PREX2: variants seen among roughly 807,000 people sequenced by gnomAD.
The protein encoded by PREX2 is phosphatidylinositol 3,4,5-trisphosphate-dependent Rac exchanger 2 protein.
A neutral mutation model predicts 203.2 loss-of-function variants in PREX2; 107 were observed. The ratio of observed to expected loss-of-function variants is 0.53; its 90% CI spans 0.45 to 0.62. The LOEUF (loss-of-function observed/expected upper bound fraction) is 0.62. Ranked by LOEUF, PREX2 falls within the 20% of genes least tolerant of loss-of-function variation. The probability of loss-of-function intolerance (pLI) is 0.00; values close to 1 mark genes in which losing one functional copy is unlikely to be tolerated. For missense variants in PREX2, 1,777 were observed against 1,955.9 expected, an observed-to-expected ratio of 0.91 and a Z score of 1.72; for synonymous variants, 672 against 663.6, an observed-to-expected ratio of 1.01 and a Z score of -0.19.
chr8:68,071,113 T>C (rs1809181442), intron 13 of PREX2, among the ~76,000 whole-genome samples: 1 of 152,146 alleles, frequency 6.6e-6, no homozygotes, highest in African/African-American at 2.4e-5. Flanking sequence ...AGGTTTTATA[T>C]GGGCAAAAAT....
intron 35 of PREX2, among the ~76,000 whole-genome samples, chr8:68,158,716 G>C (rs1004505270): frequency 6.6e-6 from 1 of 152,092 alleles, no homozygotes; most frequent in Non-Finnish European, 1.5e-5. Flanking sequence ...TGTAATTGCT[G>C]TTTCATTTTA....
intron 1 of PREX2, among the ~76,000 whole-genome samples, chr8:68,011,782 AAAT>A (rs1183391152): frequency 2.6e-5 from 4 of 152,136 alleles, no homozygotes; most frequent in African/African-American, 9.7e-5. Flanking sequence ...TATCCTGTTA[AAAT>A]AATAATTTTG....
At chr8:68,204,981 C>T (rs773678931) in intron 37 of PREX2, among the ~76,000 whole-genome samples, 2 of 152,120 alleles carry the variant, frequency 1.3e-5, no homozygotes, top group African/African-American at 2.4e-5. Flanking sequence ...ACGCCCGGCC[C>T]CCTCTGCTTT....
At chr8:68,229,681 G>A (rs1585878768) in intron 39 of PREX2, among the ~76,000 whole-genome samples, 1 of 152,152 alleles carries the variant, frequency 6.6e-6, no homozygotes, top group Non-Finnish European at 1.5e-5. Context: ...ATGTGGAAAC[G>A]TGCTGAGCAA....
intron 3 of PREX2, among the ~76,000 whole-genome samples, chr8:68,020,366 G>C (rs1337771500): frequency 1.3e-5 from 2 of 148,818 alleles, no homozygotes; most frequent in Non-Finnish European, 3.0e-5. Flanking sequence ...ATGCTGCTAC[G>C]TATACCGTTA....
chr8:68,125,311 C>T (rs1810865015), intron 30 of PREX2, among the ~76,000 whole-genome samples: 1 of 152,082 alleles, frequency 6.6e-6, no homozygotes, highest in Admixed American at 6.6e-5. Context: ...CCTGGTGCTA[C>T]CAGGCCAGAA....
intron 35 of PREX2, among the ~76,000 whole-genome samples, chr8:68,174,773 G>A (rs1337838454): frequency 6.6e-5 from 10 of 152,148 alleles, no homozygotes; most frequent in East Asian, 1.9e-4. Flanking sequence ...ATTAATAAAT[G>A]TTTGTATGTA....
chr8:68,200,337 A>G (rs181067652), intron 37 of PREX2, among the ~76,000 whole-genome samples: 5 of 152,164 alleles, frequency 3.3e-5, no homozygotes, highest in African/African-American at 1.2e-4. Flanking sequence ...TTTCATAAAG[A>G]TAAATCTTAA....
At position 68,072,401 on chromosome 8, in the gene PREX2, TA is replaced by T. The variant is rs1386500341; in HGVS notation, c.1494-93del. On this transcript the variant is annotated intron_variant, in intron 13 of 39. Coordinates refer to ENST00000288368, the MANE Select transcript of PREX2 (RefSeq NM_024870.4). ...TACAGTGGTAAACTTCTCTGTTGCA[TA>T]TTGATACTAAATGAAAATATTTTCT... 1.1e-5 allele frequency: 7 copies of T among 664,876 alleles called. No homozygotes were observed. In the East Asian group the frequency reaches 1.9e-4, roughly 18 times the overall value. 41.2% of individuals were successfully genotyped at this position (664,876 alleles called of 1,614,324 possible).
chr8:68,050,930 T>C (rs1432889518), intron 8 of PREX2, among the ~76,000 whole-genome samples: 1 of 152,078 alleles, frequency 6.6e-6, no homozygotes, highest in Non-Finnish European at 1.5e-5. Flanking sequence ...TAGAACATAG[T>C]GGAAAATAGA....
At chr8:68,071,864 G>A (rs929859446) in intron 13 of PREX2, among the ~76,000 whole-genome samples, 3 of 152,068 alleles carry the variant, frequency 2.0e-5, no homozygotes, top group Non-Finnish European at 2.9e-5. Flanking sequence ...TGCAAATCCA[G>A]CCTTCCTGGA....
rs140776228 is a variant in PREX2 at position 68,030,729 on chromosome 8, C to T, written c.705+71C>T. 1.6e-5 allele frequency: 23 copies of T among 1,436,282 alleles called. No individual in the cohort carries two copies. The Middle Eastern group carries it at 7.1e-4, about 44-fold the overall frequency. The allele number at this position is 1,436,282 out of a possible 1,614,324, so 89.0% of individuals were successfully genotyped here. On this transcript the variant is annotated intron_variant, in intron 6 of 39. Transcript: ENST00000288368. ...TGCAGGCCTCGTGCAGAATTACTGG[C>T]GTTGGATGGAACCATAAATGGTCAT...
Position 68,080,324 on chromosome 8 carries a change from C to T in PREX2, c.1643-119C>T, listed in dbSNP as rs182446143. 1.7e-4 allele frequency: 140 copies of T among 839,188 alleles called. No individual in the cohort carries two copies. The African/African-American group carries it at 2.0e-3, about 12-fold the overall frequency. The allele number at this position is 839,188 out of a possible 1,614,324, so 52.0% of individuals were successfully genotyped here. Reference sequence around the variant, plus strand: ...GGGGCTACTTGTGAATGTAACTAGTCCTAGGAGTATAAAGTTGAGGTTATG... The same window carrying T: ...GGGGCTACTTGTGAATGTAACTAGTTCTAGGAGTATAAAGTTGAGGTTATG... On this transcript the variant is annotated intron_variant, in intron 15 of 39. Coordinates refer to ENST00000288368, the MANE Select transcript of PREX2 (RefSeq NM_024870.4).
At chr8:68,007,856 A>G (rs539190495) in intron 1 of PREX2, among the ~76,000 whole-genome samples, 1 of 152,126 alleles carries the variant, frequency 6.6e-6, no homozygotes, top group Non-Finnish European at 1.5e-5. Flanking sequence ...TGATCCGCCC[A>G]CCTCGGCCTC....
chr8:68,017,664 G>T (rs543766094), intron 1 of PREX2, among the ~76,000 whole-genome samples, 182 bp from the exon 2 acceptor site: 24 of 152,182 alleles, frequency 1.6e-4, no homozygotes, highest in Non-Finnish European at 2.2e-4. Flanking sequence ...GGTAATGGAA[G>T]TATAATTCCC....
chr8:68,120,177 A>G lies in PREX2; in HGVS notation c.3505-19A>G. Reference sequence around the variant, plus strand: ...GTACTATGAGAAATATGTAACTCGGAAATCTCTACTATTGATAGGTGGATT... The same window carrying G: ...GTACTATGAGAAATATGTAACTCGGGAATCTCTACTATTGATAGGTGGATT... On this transcript the variant is annotated intron_variant, in intron 28 of 39. Transcript: ENST00000288368. The G allele has an allele frequency of 6.6e-7, 1 of 1,519,008 alleles. No individual in the cohort carries two copies. The highest frequency in any genetic ancestry group is 9.1e-7 in the Non-Finnish European group (1 of 1,095,248). The allele number at this position is 1,519,008 out of a possible 1,614,324, so 94.1% of individuals were successfully genotyped here.
At position 67,981,054 on chromosome 8, in the gene PREX2, CAACA is replaced by C. The variant is rs10554692; in HGVS notation, c.141+28520_141+28523del. On this transcript the variant is annotated intron_variant, in intron 1 of 39. Transcript: ENST00000288368. ...AAATGTGGTAAATAACAGGAGCAAA[CAACA>C]TAATTATTTTTGATAGGAAGTGTAA... Among the ~76,000 whole-genome samples, 1,227 of 152,194 alleles carry C rather than the reference CAACA, an allele frequency of 8.1e-3. 15 individuals carry two copies. Among genetic ancestry groups the C allele is most frequent in the African/African-American group, 0.028 (1,170 of 41,518 alleles).
At chr8:68,037,377 A>G (rs1358415301) in intron 6 of PREX2, among the ~76,000 whole-genome samples, 2 of 152,140 alleles carry the variant, frequency 1.3e-5, no homozygotes, top group Non-Finnish European at 2.9e-5. Flanking sequence ...CAAATAGACT[A>G]TAATATTTAT....
At chr8:68,221,350 C>T (rs1525053) in intron 38 of PREX2, among the ~76,000 whole-genome samples, 41,880 of 152,036 alleles carry the variant, frequency 0.28, 8,754 homozygotes, top group East Asian at 0.77. Flanking sequence ...CAGTTTGAGT[C>T]CCAACTTCAG....
Sources: gnomAD v4.1 joint callset for allele counts (sites outside exome capture counted in the v4.1 genomes callset) on GRCh38, gnomAD v4.1.1 for gene constraint, MANE v1.5 for transcripts, NCBI Gene and HGNC (gene_info 2026-07-23, HGNC 2026-07-21) for gene names.